Variants in ZFPM2 observed in about 807,000 individuals in gnomAD.
The protein encoded by ZFPM2 is zinc finger protein ZFPM2.
ZFPM2 carries 20 observed loss-of-function variants against 98.6 expected under a neutral mutation model. The observed-to-expected ratio is 0.20, with a 90% CI of 0.14 to 0.29. ZFPM2 has a LOEUF of 0.29. Ranked by LOEUF, ZFPM2 falls within the 10% of genes least tolerant of loss-of-function variation. The pLI is 1.00. For synonymous variants in ZFPM2, 518 were observed against 502.7 expected, an observed-to-expected ratio of 1.03 and a Z score of -0.41; for missense variants, 1,310 against 1,388.6, an observed-to-expected ratio of 0.94 and a Z score of 0.90.
chr8:105,594,599 C>T (rs925378373), intron 4 of ZFPM2, among the ~76,000 whole-genome samples: 1 of 151,984 alleles, frequency 6.6e-6, no homozygotes, highest in Non-Finnish European at 1.5e-5. Flanking sequence ...TGATATAGTT[C>T]TTCCATTTAA....
At chr8:105,387,246 A>C (rs1200367925) in intron 1 of ZFPM2, 3 of 153,394 alleles carry the variant, frequency 2.0e-5, no homozygotes, top group African/African-American at 7.2e-5. Flanking sequence ...TCCCCACCAG[A>C]CTCAGGAGCC....
chr8:105,359,744 A>G (rs1217896695), intron 1 of ZFPM2, among the ~76,000 whole-genome samples: 1 of 152,182 alleles, frequency 6.6e-6, no homozygotes, highest in Admixed American at 6.5e-5. Flanking sequence ...TTTCAATTGA[A>G]AAAACTATAT....
At chr8:105,607,931 G>A (rs1176736823) in intron 4 of ZFPM2, among the ~76,000 whole-genome samples, 3 of 151,956 alleles carry the variant, frequency 2.0e-5, no homozygotes, top group African/African-American at 7.3e-5. Flanking sequence ...CCAAATATAC[G>A]GAATCAGTGT....
At chr8:105,574,013 T>G (rs566296262) in intron 4 of ZFPM2, among the ~76,000 whole-genome samples, 1 of 152,300 alleles carries the variant, frequency 6.6e-6, no homozygotes, top group East Asian at 1.9e-4. Flanking sequence ...ACATACAGAT[T>G]GTTAAACAAA....
intron 1 of ZFPM2, among the ~76,000 whole-genome samples, chr8:105,379,582 C>T (rs1288717834): frequency 6.6e-6 from 1 of 151,966 alleles, no homozygotes; most frequent in African/African-American, 2.4e-5. Flanking sequence ...GGTGAAACCC[C>T]ATGTCTACGA....
intron 1 of ZFPM2, among the ~76,000 whole-genome samples, chr8:105,405,140 T>C (rs558795488): frequency 3.9e-5 from 6 of 152,170 alleles, no homozygotes; most frequent in African/African-American, 1.4e-4. Context: ...TCAAGTTTTC[T>C]ATTGGGGGAT....
intron 5 of ZFPM2, among the ~76,000 whole-genome samples, chr8:105,720,507 G>A (rs1280060549): frequency 6.6e-6 from 1 of 151,722 alleles, no homozygotes; most frequent in East Asian, 1.9e-4. Context: ...AGGTTACCTT[G>A]TATTGTGCAT....
At chr8:105,622,093 A>T (rs1447479069) in intron 4 of ZFPM2, among the ~76,000 whole-genome samples, 1 of 152,016 alleles carries the variant, frequency 6.6e-6, no homozygotes, top group East Asian at 1.9e-4. Flanking sequence ...ATAAGGTTAT[A>T]TTATTTATCT....
intron 1 of ZFPM2, among the ~76,000 whole-genome samples, chr8:105,368,374 A>T (rs974753551): frequency 2.0e-5 from 3 of 152,172 alleles, no homozygotes; most frequent in African/African-American, 2.4e-5. Flanking sequence ...TATTGATCTT[A>T]TCTCAGACAA....
intron 1 of ZFPM2, among the ~76,000 whole-genome samples, chr8:105,417,372 CA>C (rs1214115103): frequency 1.3e-5 from 2 of 151,994 alleles, no homozygotes; most frequent in African/African-American, 2.4e-5. Context: ...CCATGTAACA[CA>C]ACTGCACTTG....
chr8:105,706,216 T>C (rs1233250313), intron 5 of ZFPM2, among the ~76,000 whole-genome samples: 1 of 152,092 alleles, frequency 6.6e-6, no homozygotes, highest in Non-Finnish European at 1.5e-5. Flanking sequence ...AGTTATGAAA[T>C]AATTCAAATA....
intron 3 of ZFPM2, among the ~76,000 whole-genome samples, chr8:105,448,187 T>A (rs114277522): frequency 0.016 from 2,446 of 152,102 alleles, 60 homozygotes; most frequent in African/African-American, 0.056. Context: ...TGTTTTTTAA[T>A]GTAATTGTTC....
intron 1 of ZFPM2, among the ~76,000 whole-genome samples, chr8:105,336,887 A>G (rs1165903356): frequency 6.6e-6 from 1 of 151,792 alleles, no homozygotes; most frequent in African/African-American, 2.4e-5. Context: ...GTATTAAATA[A>G]CACAGGGTGC....
At chr8:105,762,469 A>C (rs1038227506) in intron 5 of ZFPM2, among the ~76,000 whole-genome samples, 1 of 151,824 alleles carries the variant, frequency 6.6e-6, no homozygotes, top group African/African-American at 2.4e-5. Flanking sequence ...TGTCCTCTCA[A>C]ACCTTCATTT....
intron 5 of ZFPM2, among the ~76,000 whole-genome samples, chr8:105,646,616 A>G (rs1279439175): frequency 6.6e-6 from 1 of 152,128 alleles, no homozygotes; most frequent in Non-Finnish European, 1.5e-5. Context: ...TATCAACTGG[A>G]GGATTTTGCA....
chr8:105,618,712 T>C (rs1449760217), intron 4 of ZFPM2, among the ~76,000 whole-genome samples: 1 of 152,100 alleles, frequency 6.6e-6, no homozygotes, highest in African/African-American at 2.4e-5. Flanking sequence ...ATATTTTATT[T>C]TGGAGATGAT....
intron 3 of ZFPM2, among the ~76,000 whole-genome samples, chr8:105,461,723 A>G (rs942857053): frequency 1.3e-5 from 2 of 152,108 alleles, no homozygotes; most frequent in Admixed American, 1.3e-4. Context: ...TGTGCCGGTT[A>G]CTGTTATAGG....
At chr8:105,364,446 A>C (rs1193102034) in intron 1 of ZFPM2, among the ~76,000 whole-genome samples, 1 of 152,112 alleles carries the variant, frequency 6.6e-6, no homozygotes, top group Non-Finnish European at 1.5e-5. Flanking sequence ...AAAGAGGTTC[A>C]GGGAAATTTT....
At chr8:105,655,172 A>C (rs2130876229) in intron 5 of ZFPM2, among the ~76,000 whole-genome samples, 1 of 136,656 alleles carries the variant, frequency 7.3e-6, no homozygotes, top group East Asian at 2.2e-4. Context: ...TTGCATGTTT[A>C]TTTCATCGAC....
Sources: allele counts gnomAD v4.1 joint callset (sites outside exome capture counted in the v4.1 genomes callset), GRCh38; gene constraint gnomAD v4.1.1; transcripts MANE v1.5; gene names NCBI Gene and HGNC (gene_info 2026-07-23, HGNC 2026-07-21).